The following STK3 variants were observed in gnomAD, a reference collection of about 807,000 sequenced individuals.
The protein encoded by STK3 is serine/threonine-protein kinase 3.
In STK3, 41 loss-of-function variants were observed where a neutral mutation model predicts 58.0. The ratio of observed to expected loss-of-function variants is 0.71; its 90% CI spans 0.55 to 0.92. The LOEUF is 0.92. Among genes scored for constraint, STK3 ranks in the 40% least tolerant of loss-of-function variants. STK3 has a pLI of 0.00. For synonymous variants in STK3, 170 were observed against 191.0 expected, an observed-to-expected ratio of 0.89 and a Z score of 0.91; for missense variants, 479 against 602.7, an observed-to-expected ratio of 0.79 and a Z score of 2.15.
chr8:98,652,703 T>A (rs1352507294), intron 6 of STK3, among the ~76,000 whole-genome samples: 2 of 149,070 alleles, frequency 1.3e-5, no homozygotes, highest in African/African-American at 2.5e-5. Context: ...TAAAACAGAC[T>A]TTAAACCAAC....
At chr8:98,417,520 T>A (rs1694685703) in intron 3 of STK3, among the ~76,000 whole-genome samples, 2 of 150,490 alleles carry the variant, frequency 1.3e-5, no homozygotes, top group Non-Finnish European at 3.0e-5. Context: ...TCTCAAAAAA[T>A]AAATAAATAA....
At chr8:98,934,713 C>T (rs1017119882) in intron 1 of STK3, among the ~76,000 whole-genome samples, 2 of 152,032 alleles carry the variant, frequency 1.3e-5, no homozygotes, top group Non-Finnish European at 2.9e-5. Context: ...GTCAGGAGTT[C>T]GAGACCAGCC....
chr8:98,612,398 T>TATATAC (rs1817272112), intron 6 of STK3, among the ~76,000 whole-genome samples: 1 of 148,570 alleles, frequency 6.7e-6, no homozygotes, highest in African/African-American at 2.5e-5. Context: ...TATATATATA[T>TATATAC]ACACACACAC....
chr8:98,884,266 C>T (rs932516175), intron 1 of STK3, among the ~76,000 whole-genome samples: 3 of 152,160 alleles, frequency 2.0e-5, no homozygotes, highest in Non-Finnish European at 2.9e-5. Context: ...TAAAACTTCA[C>T]GATGATATTC....
At chr8:98,405,543 C>A (rs1311298943) in intron 3 of STK3, among the ~76,000 whole-genome samples, 1 of 152,066 alleles carries the variant, frequency 6.6e-6, no homozygotes, top group Non-Finnish European at 1.5e-5. Context: ...TGGAAGGATG[C>A]CCTCCGTCAT....
rs571561150 is a variant in STK3 at position 98,801,428 on chromosome 8, G to A, written c.26+24087C>T. Among the ~76,000 whole-genome samples the A allele has an allele frequency of 5.3e-5, 8 of 152,254 alleles. No homozygotes were observed. In the South Asian group the frequency reaches 1.7e-3, roughly 32 times the overall value. ...TGTTCTTTCGCTCTTTGCAATAAAT[G>A]TTATTGCTGCTCACTCTTTGGGTCT... On this transcript the variant is annotated intron_variant, in intron 1 of 10. Coordinates refer to ENST00000419617, the MANE Select transcript of STK3 (RefSeq NM_006281.4).
intron 3 of STK3, among the ~76,000 whole-genome samples, chr8:98,854,808 C>A (rs1161688029): frequency 6.6e-6 from 1 of 152,110 alleles, no homozygotes; most frequent in East Asian, 1.9e-4. Context: ...GTAATCCTAG[C>A]AATTTAGGAG....
chr8:98,887,161 G>A (rs1041792042), intron 1 of STK3, among the ~76,000 whole-genome samples: 2 of 152,112 alleles, frequency 1.3e-5, no homozygotes, highest in Admixed American at 6.5e-5. Context: ...CAAATGTCAC[G>A]TAATAGTTGT....
At chr8:98,368,026 C>G (rs1191620370), downstream of STK3, among the ~76,000 whole-genome samples, 1 of 151,800 alleles carries the variant, frequency 6.6e-6, no homozygotes, top group Non-Finnish European at 1.5e-5. Context: ...TCATTGACAG[C>G]TCTGGCCATG....
chr8:98,766,172 CAGTCACTACA>C (rs1385601438), intron 3 of STK3, among the ~76,000 whole-genome samples: 1 of 152,136 alleles, frequency 6.6e-6, no homozygotes, highest in African/African-American at 2.4e-5. Flanking sequence ...CCCCATGCAC[CAGTCACTACA>C]ATGAGTGTGC....
At chr8:98,506,294 T>G (rs1054498091) in intron 10 of STK3, among the ~76,000 whole-genome samples, 4 of 152,172 alleles carry the variant, frequency 2.6e-5, no homozygotes, top group Non-Finnish European at 4.4e-5. Context: ...TTTTTCCAGG[T>G]ACAGTCTGTC....
chr8:98,897,660 A>G (rs905131862), intron 1 of STK3, among the ~76,000 whole-genome samples: 3 of 152,154 alleles, frequency 2.0e-5, no homozygotes, highest in African/African-American at 4.8e-5. Context: ...CCCTTATTCC[A>G]TCATTTTATG....
intron 8 of STK3, among the ~76,000 whole-genome samples, chr8:98,569,876 A>G (rs1383108264): frequency 1.3e-5 from 2 of 150,788 alleles, no homozygotes; most frequent in Non-Finnish European, 3.0e-5. Flanking sequence ...GAGAATAAGT[A>G]AATGTTCTTT....
chr8:98,355,751 T>C, the STK3 span, among the ~76,000 whole-genome samples: 1 of 152,202 alleles, frequency 6.6e-6, no homozygotes, highest in Non-Finnish European at 1.5e-5. Context: ...ATATTGTAGG[T>C]AGACAAGATG....
intron 1 of STK3, among the ~76,000 whole-genome samples, chr8:98,439,951 C>A (rs1818630835): frequency 6.6e-6 from 1 of 152,162 alleles, no homozygotes; most frequent in South Asian, 2.1e-4. Flanking sequence ...ATATTGGGCA[C>A]AACACGGCAC....
chr8:98,791,908 A>G (rs1207520620), intron 1 of STK3, among the ~76,000 whole-genome samples: 1 of 152,248 alleles, frequency 6.6e-6, no homozygotes, highest in Non-Finnish European at 1.5e-5. Flanking sequence ...GGCTTAGTCA[A>G]TGATTTCATG....
In STK3 at chr8:98,691,498, G is replaced by A. The variant is rs547876741; in HGVS notation, c.684+14969C>T. On this transcript the variant is annotated intron_variant, in intron 6 of 10. Transcript: ENST00000419617. ...ACTCAGACTGTGTATTATAATTGGG[G>A]TGGAGAAAGTGATATGGGGACAACT... Among the ~76,000 whole-genome samples, 7 of 152,232 alleles carry A rather than the reference G, an allele frequency of 4.6e-5. No individual in the cohort carries two copies. In the South Asian group the frequency reaches 1.5e-3, roughly 32 times the overall value.
At chr8:98,760,889 G>A (rs1022004083) in intron 3 of STK3, among the ~76,000 whole-genome samples, 1 of 151,720 alleles carries the variant, frequency 6.6e-6, no homozygotes, top group African/African-American at 2.4e-5. Flanking sequence ...AAAAACCAAA[G>A]GGGAAAAATG....
chr8:98,419,908 C>G (rs986288961), intron 3 of STK3, among the ~76,000 whole-genome samples: 5 of 152,156 alleles, frequency 3.3e-5, no homozygotes, highest in Non-Finnish European at 7.4e-5. Flanking sequence ...CAACTTAATA[C>G]AGAGGATGCC....
Sources: allele counts gnomAD v4.1 joint callset (sites outside exome capture counted in the v4.1 genomes callset), GRCh38; gene constraint gnomAD v4.1.1; transcripts MANE v1.5; gene names NCBI Gene and HGNC (gene_info 2026-07-23, HGNC 2026-07-21).